Variants in KIAA1671 observed in about 807,000 individuals in gnomAD.
KIAA1671 encodes the protein uncharacterized protein KIAA1671.
A neutral mutation model predicts 131.2 loss-of-function variants in KIAA1671; 52 were observed. The ratio of observed to expected loss-of-function variants is 0.40; its 90% CI spans 0.32 to 0.50. The LOEUF (loss-of-function observed/expected upper bound fraction) is 0.50. Ranked by LOEUF, KIAA1671 falls within the 20% of genes least tolerant of loss-of-function variation. The pLI, the probability that KIAA1671 is intolerant of heterozygous loss-of-function variation, is 0.73. For missense variants in KIAA1671, 2,360 were observed against 2,364.2 expected (o/e 1.00, Z 0.04); for synonymous variants, 1,003 against 961.6 (o/e 1.04, Z -0.80).
At chr22:25,179,246 A>C in intron 9 of KIAA1671, 1 of 1,517,934 alleles carries the variant, frequency 6.6e-7, no homozygotes, top group Non-Finnish European at 8.9e-7. Context: ...ACAGAGGTGA[A>C]CGAAACAAAA....
At chr22:25,006,542 A>G (rs1602062558) in intron 1 of KIAA1671, among the ~76,000 whole-genome samples, 2 of 152,200 alleles carry the variant, frequency 1.3e-5, no homozygotes, top group East Asian at 3.9e-4. Flanking sequence ...ATTCAGCTCA[A>G]TGCTGCCTCT....
chr22:24,957,728 A>G (rs1602025404), intron 1 of KIAA1671, among the ~76,000 whole-genome samples: 1 of 118,946 alleles, frequency 8.4e-6, no homozygotes, highest in Non-Finnish European at 1.6e-5. Context: ...CCCATGCTGG[A>G]GTGCAATGGC....
At chr22:25,046,607 C>T (rs1197925780) in intron 5 of KIAA1671, among the ~76,000 whole-genome samples, 7 of 152,196 alleles carry the variant, frequency 4.6e-5, no homozygotes, top group Non-Finnish European at 8.8e-5. Context: ...ACCTGCCATG[C>T]TTACATTTCT....
intron 6 of KIAA1671, among the ~76,000 whole-genome samples, chr22:25,083,301 A>C (rs1601294645): frequency 6.6e-6 from 1 of 152,178 alleles, no homozygotes; most frequent in South Asian, 2.1e-4. Context: ...TAATGACGTT[A>C]ACAGTCAGAT....
At chr22:25,094,474 C>T (rs1360629191) in intron 6 of KIAA1671, among the ~76,000 whole-genome samples, 2 of 152,018 alleles carry the variant, frequency 1.3e-5, no homozygotes, top group African/African-American at 2.4e-5. Context: ...GCAAGCAGGC[C>T]CTGGGGTGGG....
intron 6 of KIAA1671, among the ~76,000 whole-genome samples, chr22:25,109,019 A>G (rs1931186263): frequency 6.6e-6 from 1 of 152,068 alleles, no homozygotes; most frequent in Non-Finnish European, 1.5e-5. Flanking sequence ...TCCTCACAAC[A>G]TGGCGGCTGG....
rs374148398 is a variant in KIAA1671 at position 25,181,845 on chromosome 22, G to C, written c.5199+22G>C. 6.9e-4 allele frequency: 1,063 copies of C among 1,548,800 alleles called. 1 individual carries two copies. Among genetic ancestry groups the C allele is most frequent in the Non-Finnish European group, 8.8e-4 (1,012 of 1,144,874 alleles). Reference sequence around the variant, plus strand: ...AAAGGTACCAGACCTCTCACCAAGAGTCACCTGGTGGGCATGATCCTCAAC... The same window carrying C: ...AAAGGTACCAGACCTCTCACCAAGACTCACCTGGTGGGCATGATCCTCAAC... On this transcript the variant is annotated intron_variant, in intron 10 of 12. Transcript: ENST00000358431.
chr22:25,079,778 G>A (rs1366748853), intron 6 of KIAA1671, among the ~76,000 whole-genome samples: 1 of 152,138 alleles, frequency 6.6e-6, no homozygotes, highest in Non-Finnish European at 1.5e-5. Flanking sequence ...ACTGTGCCTC[G>A]TGCTTGGGGA....
intron 6 of KIAA1671, among the ~76,000 whole-genome samples, chr22:25,140,982 A>T (rs1441824041): frequency 6.6e-6 from 1 of 152,072 alleles, no homozygotes; most frequent in Non-Finnish European, 1.5e-5. Context: ...TTGCTGTGGA[A>T]CTTCCTACAA....
At chr22:25,041,656 C>T in intron 5 of KIAA1671, 131 bp downstream of exon 5, 1 of 931,906 alleles carries the variant, frequency 1.1e-6, no homozygotes, top group South Asian at 1.8e-5. Context: ...TATGAGGCTC[C>T]AGGGAGGGGT....
intron 6 of KIAA1671, among the ~76,000 whole-genome samples, chr22:25,078,739 T>C (rs1186051700): frequency 6.6e-6 from 1 of 152,184 alleles, no homozygotes; most frequent in Admixed American, 6.5e-5. Context: ...GTCTCAGCAA[T>C]GTCTGTGGCT....
chr22:25,040,921 G>T lies in KIAA1671; in HGVS notation c.3791G>T (p.Ser1264Ile). The T allele has an allele frequency of 6.7e-7, 1 of 1,494,530 alleles. No homozygotes were observed. The highest frequency in any genetic ancestry group is 8.9e-7 in the Non-Finnish European group (1 of 1,122,108). The allele number at this position is 1,494,530 out of a possible 1,614,324, so 92.6% of individuals were successfully genotyped here. Residue 1264 changes from serine (S) to isoleucine (I), a missense_variant, in exon 5 of 13, where the codon AGT becomes ATT. Ser to Ile is a moderately radical substitution (Grantham distance 142). This residue lies in a region of KIAA1671 where 1,161 missense variants were observed against 1,204.7 expected (regional missense o/e 0.96). Transcript: ENST00000358431. Reference protein sequence around the residue: ...PDTGGLWKPASSAEINHSFTP... With the variant: ...PDTGGLWKPAISAEINHSFTP... ...ACCGGGGGTCTCTGGAAACCGGCCAGTTCTGCCGAAATAAATCACAGTTTC... is the reference window on the plus strand; with the variant it reads ...ACCGGGGGTCTCTGGAAACCGGCCATTTCTGCCGAAATAAATCACAGTTTC...
intron 1 of KIAA1671, among the ~76,000 whole-genome samples, chr22:25,001,926 T>C (rs1488353082): frequency 2.0e-5 from 3 of 151,976 alleles, no homozygotes; most frequent in Non-Finnish European, 4.4e-5. Context: ...TATATAAATA[T>C]ATGATATAAA....
intron 1 of KIAA1671, chr22:25,023,250 C>T (rs1454348701): frequency 6.6e-6 from 1 of 152,022 alleles, no homozygotes; most frequent in Non-Finnish European, 1.5e-5. Flanking sequence ...TGCCTGTAAT[C>T]CCAGCTTCAC....
Position 25,049,312 on chromosome 22 carries a change from T to A in KIAA1671, c.4478T>A (p.Val1493Asp). The A allele has an allele frequency of 1.3e-6, 2 of 1,551,594 alleles. No individual in the cohort carries two copies. Among genetic ancestry groups the A allele is most frequent in the Middle Eastern group, 3.3e-4 (2 of 5,990 alleles). ...CAGCAGGTGTCCCCTGTGGCCTCGG[T>A]TCCCTGGAGAAGCCACAGCTTCTGC... is the stretch of plus-strand genomic sequence containing the variant. ...PLQQVSPVAS[V>D]PWRSHSFCKD... The change falls in exon 6 of 13, where the codon GTT (valine) becomes GAT (aspartate). Residue 1493 changes from valine (V) to aspartate (D), a missense_variant. Physicochemically the swap from Val to Asp is radical, Grantham distance 152. Coordinates refer to ENST00000358431, the MANE Select transcript of KIAA1671 (RefSeq NM_001145206.2).
chr22:25,078,039 T>C (rs1929209015), intron 6 of KIAA1671, among the ~76,000 whole-genome samples: 1 of 152,232 alleles, frequency 6.6e-6, no homozygotes, highest in South Asian at 2.1e-4. Context: ...AAACTGAGAT[T>C]CTGAGAGGCT....
chr22:25,093,327 A>G (rs1421103403), intron 6 of KIAA1671, among the ~76,000 whole-genome samples: 4 of 152,134 alleles, frequency 2.6e-5, no homozygotes, highest in African/African-American at 9.7e-5. Flanking sequence ...TCATCTTTCA[A>G]GAGGAGAGAC....
intron 6 of KIAA1671, among the ~76,000 whole-genome samples, chr22:25,068,834 TG>T (rs1928647209): frequency 6.6e-6 from 1 of 152,162 alleles, no homozygotes; most frequent in Non-Finnish European, 1.5e-5. Context: ...AGGATGTTGC[TG>T]GGGCAGTCAG....
chr22:25,058,457 G>C (rs2006738), intron 6 of KIAA1671: 1 of 152,012 alleles, frequency 6.6e-6, no homozygotes, highest in Non-Finnish European at 1.5e-5. Context: ...CATGAGCCTG[G>C]CAATCTTGAA....
Sources: allele counts gnomAD v4.1 joint callset (sites outside exome capture counted in the v4.1 genomes callset), GRCh38; gene constraint gnomAD v4.1.1; regional missense constraint gnomAD v4.1.1; transcripts MANE v1.5; gene names NCBI Gene and HGNC (gene_info 2026-07-23, HGNC 2026-07-21).